CLEC12A: variants seen among roughly 807,000 people sequenced by gnomAD.
CLEC12A encodes C-type lectin protein CLL-1.
A neutral mutation model predicts 26.5 loss-of-function variants in CLEC12A; 22 were observed. The ratio of observed to expected loss-of-function variants is 0.83; its 90% confidence interval spans 0.59 to 1.19. CLEC12A has a LOEUF of 1.19. Among genes scored for constraint, CLEC12A ranks in the 50% most tolerant of loss-of-function variants. The pLI is 0.00. For synonymous variants in CLEC12A, 119 were observed against 101.9 expected (o/e 1.17, Z -1.01); for missense variants, 353 against 315.6 (o/e 1.12, Z -0.90).
intron 1 of CLEC12A, among the ~76,000 whole-genome samples, chr12:9,955,686 A>G (rs549682040): frequency 6.6e-6 from 1 of 152,316 alleles, no homozygotes; most frequent in South Asian, 2.1e-4. Flanking sequence ...CAGTTTTCCT[A>G]AGCAATCAAA....
At chr12:9,996,228 T>C (rs1565570816), downstream of CLEC12A, among the ~76,000 whole-genome samples, 2 of 152,196 alleles carry the variant, frequency 1.3e-5, no homozygotes, top group Non-Finnish European at 2.9e-5. Context: ...TTCTTTAAAA[T>C]ATATCAATAT....
At chr12:9,991,217 T>C (rs539979062) in intron 4 of CLEC12A, 4 of 152,182 alleles carry the variant, frequency 2.6e-5, no homozygotes, top group Non-Finnish European at 4.4e-5. Flanking sequence ...TTAGATGACA[T>C]GTAGAAGATT....
At chr12:9,986,460 A>G (rs1864770657), downstream of CLEC12A, among the ~76,000 whole-genome samples, 1 of 142,154 alleles carries the variant, frequency 7.0e-6, no homozygotes, top group Non-Finnish European at 1.5e-5. Context: ...TAGCAAGACC[A>G]ATTTGTGTGC....
At chr12:9,972,139 A>C (rs1864155378) in intron 1 of CLEC12A, among the ~76,000 whole-genome samples, 1 of 152,036 alleles carries the variant, frequency 6.6e-6, no homozygotes, top group South Asian at 2.1e-4. Context: ...TACCAAACTA[A>C]GCATAAATCA....
the CLEC12A span, among the ~76,000 whole-genome samples, chr12:10,001,247 C>T: frequency 1.6e-4 from 24 of 152,142 alleles, no homozygotes; most frequent in African/African-American, 5.8e-4. Context: ...AAACATGTCC[C>T]ATGTATTTTT....
chr12:9,973,095 A>G (rs1864190336), intron 1 of CLEC12A, among the ~76,000 whole-genome samples: 1 of 152,074 alleles, frequency 6.6e-6, no homozygotes, highest in East Asian at 1.9e-4. Context: ...GTAATATAAC[A>G]TTGTATTATG....
upstream of CLEC12A, among the ~76,000 whole-genome samples, chr12:9,971,168 T>C (rs771156341): frequency 3.3e-5 from 5 of 152,166 alleles, no homozygotes; most frequent in Non-Finnish European, 7.4e-5. Context: ...GCATCTTTTC[T>C]GTTATTTTTC....
intron 4 of CLEC12A, among the ~76,000 whole-genome samples, chr12:9,993,690 A>G (rs527549445): frequency 1.3e-5 from 2 of 152,214 alleles, no homozygotes; most frequent in African/African-American, 4.8e-5. Flanking sequence ...GCTGCACTAG[A>G]TGGGAATACG....
intron 1 of CLEC12A, among the ~76,000 whole-genome samples, chr12:9,960,117 A>T (rs1863806119): frequency 6.6e-6 from 1 of 152,186 alleles, no homozygotes; most frequent in Admixed American, 6.5e-5. Context: ...TCGTCTATCA[A>T]GTTAGCCAGT....
the CLEC12A span, among the ~76,000 whole-genome samples, chr12:10,002,010 G>GGAGGGTATAATAGGAAATGAGA: frequency 6.6e-6 from 1 of 151,488 alleles, no homozygotes; most frequent in Non-Finnish European, 1.5e-5. Context: ...CTCCCGAGTA[G>GGAGGGTATAATAGGAAATGAGA]CTGGGAGTAC....
chr12:9,993,220 G>A (rs903346485), intron 4 of CLEC12A: 2 of 1,612,486 alleles, frequency 1.2e-6, no homozygotes, highest in Non-Finnish European at 1.7e-6. Context: ...CAGAAGGTAG[G>A]GTGCATTTTC....
At chr12:9,972,788 A>T (rs1365791100) in intron 1 of CLEC12A, among the ~76,000 whole-genome samples, 6 of 151,564 alleles carry the variant, frequency 4.0e-5, no homozygotes, top group South Asian at 2.1e-4. Context: ...TAATACTGAA[A>T]TTTTTTTTTA....
At chr12:9,996,192 G>A (rs1478064437), downstream of CLEC12A, among the ~76,000 whole-genome samples, 2 of 151,994 alleles carry the variant, frequency 1.3e-5, no homozygotes, top group Admixed American at 1.3e-4. Flanking sequence ...GAGCCACCGG[G>A]AACCTTTCTG....
At chr12:9,990,689 G>A (rs1017547175) in intron 4 of CLEC12A, among the ~76,000 whole-genome samples, 1 of 152,214 alleles carries the variant, frequency 6.6e-6, no homozygotes, top group Non-Finnish European at 1.5e-5. Context: ...AGCAGGATTT[G>A]AGAGGACTGA....
chr12:9,980,928 T>G (rs1864534444), intron 4 of CLEC12A, among the ~76,000 whole-genome samples, 195 bp downstream of exon 4: 1 of 152,180 alleles, frequency 6.6e-6, no homozygotes. Flanking sequence ...AGAGAAATAT[T>G]ACTAGCTGAC....
chr12:9,977,564 C>T (rs900768331), intron 1 of CLEC12A, among the ~76,000 whole-genome samples: 1 of 152,078 alleles, frequency 6.6e-6, no homozygotes, highest in African/African-American at 2.4e-5. Context: ...CATGTAATTG[C>T]TACCTGTAAT....
Position 9,985,130 on chromosome 12 carries a change from C to A in CLEC12A, c.*104C>A. ...ACAATTAGTTGAGTTTGTCTGAAGA[C>A]CTGGGATTTTATCATGCAGATGAAA... On this transcript the variant is annotated 3_prime_UTR_variant, in exon 6 of 6. Coordinates refer to ENST00000304361, the MANE Select transcript of CLEC12A (RefSeq NM_138337.6). 1 of 1,240,550 alleles carries A rather than the reference C, an allele frequency of 8.1e-7. No homozygotes were observed. The highest frequency in any genetic ancestry group is 1.6e-5 in the African/African-American group (1 of 64,432). The allele number at this position is 1,240,550 out of a possible 1,614,324, so 76.8% of individuals were successfully genotyped here.
At position 9,962,812 on chromosome 12, in the gene CLEC12A, G is replaced by T. The variant is rs184426339; in HGVS notation, c.11-8765G>T. Among the ~76,000 whole-genome samples the T allele has an allele frequency of 2.2e-3, 333 of 152,314 alleles. 1 individual carries two copies. The highest frequency in any genetic ancestry group is 3.1e-3 in the Admixed American group (48 of 15,296). ...GTGTATGTGCAGGTCACAGGGGATA[G>T]GATGGTTTAGCTTGGGCTCAGAGGC... On this transcript the variant is annotated intron_variant, in intron 1 of 6. Transcript: ENST00000355690.
At chr12:9,991,563 C>G (rs2137225519) in intron 4 of CLEC12A, 1 of 152,218 alleles carries the variant, frequency 6.6e-6, no homozygotes, top group East Asian at 1.9e-4. Flanking sequence ...AATCCAAGAT[C>G]TCCAGACATT....
Sources: gnomAD v4.1 joint callset for allele counts (sites outside exome capture counted in the v4.1 genomes callset) on GRCh38, gnomAD v4.1.1 for gene constraint, MANE v1.5 for transcripts, NCBI Gene and HGNC (gene_info 2026-07-23, HGNC 2026-07-21) for gene names.